The following PTPRM variants were observed in gnomAD, a reference collection of about 807,000 sequenced individuals.
PTPRM encodes receptor-type tyrosine-protein phosphatase mu.
PTPRM carries 47 observed loss-of-function variants against 186.7 expected under a neutral mutation model. The observed-to-expected ratio is 0.25, with a 90% CI of 0.20 to 0.32. The LOEUF (loss-of-function observed/expected upper bound fraction) is 0.32, where lower values mean the gene tolerates loss of function less well. PTPRM is among the 10% of genes least tolerant of loss of function. The pLI, the probability that PTPRM is intolerant of heterozygous loss-of-function variation, is 1.00. For synonymous variants in PTPRM, 668 were observed against 674.9 expected (o/e 0.99, Z 0.16); for missense variants, 1,494 against 1,865.0 (o/e 0.80, Z 3.66).
chr18:7,829,002 G>A (rs575674226), intron 2 of PTPRM, among the ~76,000 whole-genome samples: 1 of 152,216 alleles, frequency 6.6e-6, no homozygotes, highest in South Asian at 2.1e-4. Context: ...TTTACATTCA[G>A]TGCTGTTAAT....
At chr18:8,139,630 T>C (rs1452792068) in intron 13 of PTPRM, among the ~76,000 whole-genome samples, 1 of 152,148 alleles carries the variant, frequency 6.6e-6, no homozygotes. Flanking sequence ...CGCACTCCAG[T>C]CACACTCAGT....
At chr18:8,171,767 T>C (rs2093404396) in intron 14 of PTPRM, among the ~76,000 whole-genome samples, 1 of 152,080 alleles carries the variant, frequency 6.6e-6, no homozygotes. Flanking sequence ...AGGATTATGG[T>C]CCAGTCAACC....
intron 22 of PTPRM, among the ~76,000 whole-genome samples, chr18:8,324,305 T>A (rs1402148422): frequency 6.6e-6 from 1 of 152,150 alleles, no homozygotes; most frequent in Non-Finnish European, 1.5e-5. Context: ...TGAACCATGG[T>A]CAGTTTGGGT....
chr18:7,617,314 ACTC>A (rs1394865033), intron 1 of PTPRM, among the ~76,000 whole-genome samples: 1 of 151,634 alleles, frequency 6.6e-6, no homozygotes, highest in Non-Finnish European at 1.5e-5. Flanking sequence ...GAATAATTAG[ACTC>A]CTCCTCGATG....
chr18:8,327,493 T>C (rs2095384888), intron 22 of PTPRM, among the ~76,000 whole-genome samples: 1 of 152,216 alleles, frequency 6.6e-6, no homozygotes, highest in Non-Finnish European at 1.5e-5. Flanking sequence ...ACCACCTGTC[T>C]TGTAGTGAGT....
chr18:7,784,120 G>A (rs1426431634), intron 2 of PTPRM, among the ~76,000 whole-genome samples: 1 of 151,902 alleles, frequency 6.6e-6, no homozygotes, highest in Admixed American at 6.6e-5. Flanking sequence ...ATCATTACAG[G>A]GTCCCCCATA....
At chr18:7,823,732 T>C (rs2009770) in intron 2 of PTPRM, among the ~76,000 whole-genome samples, 85,159 of 152,014 alleles carry the variant, frequency 0.56, 24,743 homozygotes, top group East Asian at 0.85. Context: ...TGAACTTAAA[T>C]CAGTGATTTG....
chr18:8,389,372 C>T (rs549476647), intron 31 of PTPRM, among the ~76,000 whole-genome samples: 7 of 152,326 alleles, frequency 4.6e-5, no homozygotes, highest in South Asian at 4.1e-4. Context: ...AATCACTGCA[C>T]CTTGTCAACA....
chr18:8,390,135 A>C (rs1321222405), intron 31 of PTPRM, among the ~76,000 whole-genome samples: 1 of 152,234 alleles, frequency 6.6e-6, no homozygotes, highest in African/African-American at 2.4e-5. Context: ...TCTTCTAATT[A>C]GCAGAAGAGA....
intron 7 of PTPRM, among the ~76,000 whole-genome samples, chr18:7,960,804 A>G (rs1038179946): frequency 1.8e-4 from 27 of 152,198 alleles, no homozygotes; most frequent in East Asian, 1.2e-3. Flanking sequence ...TGTGTATACA[A>G]TACAGTGTCA....
At chr18:8,167,695 C>T (rs1277979144) in intron 14 of PTPRM, among the ~76,000 whole-genome samples, 3 of 151,648 alleles carry the variant, frequency 2.0e-5, no homozygotes, top group Non-Finnish European at 4.4e-5. Flanking sequence ...AGATGCCATG[C>T]AGCAGGAGGA....
At chr18:8,182,759 C>T (rs2093593046) in intron 14 of PTPRM, among the ~76,000 whole-genome samples, 1 of 152,188 alleles carries the variant, frequency 6.6e-6, no homozygotes, top group Non-Finnish European at 1.5e-5. Flanking sequence ...AAAACTAATA[C>T]ATGTTTATTA....
rs182876441 is a variant in PTPRM at position 8,004,526 on chromosome 18, G to A, written c.1132+49112G>A. 3.1e-3 allele frequency among the ~76,000 whole-genome samples: 468 copies of A among 152,052 alleles called. 2 individuals carry two copies. The highest frequency in any genetic ancestry group is 0.011 in the African/African-American group (453 of 41,462). On this transcript the variant is annotated intron_variant, in intron 7 of 32. Transcript: ENST00000580170. Reference sequence around the variant, plus strand: ...AACTGAGTTTGCAAAGATAGGATGGGCCCAAGTTAGTATTACTTGCAGCCC... The same window carrying A: ...AACTGAGTTTGCAAAGATAGGATGGACCCAAGTTAGTATTACTTGCAGCCC...
chr18:7,812,714 T>C (rs981620122), intron 2 of PTPRM, among the ~76,000 whole-genome samples: 3 of 151,968 alleles, frequency 2.0e-5, no homozygotes, highest in African/African-American at 7.3e-5. Context: ...AAACTGAGAC[T>C]TGGAAAGTTT....
intron 13 of PTPRM, among the ~76,000 whole-genome samples, chr18:8,130,745 A>G (rs1382441035): frequency 6.6e-6 from 1 of 152,176 alleles, no homozygotes; most frequent in Non-Finnish European, 1.5e-5. Flanking sequence ...CCTAACTGTG[A>G]TTTTAAAAGG....
chr18:8,080,878 T>C (rs1481556005), intron 9 of PTPRM, among the ~76,000 whole-genome samples: 1 of 152,190 alleles, frequency 6.6e-6, no homozygotes, highest in Admixed American at 6.6e-5. Context: ...TTGCTTAGAT[T>C]CATTCTGCCT....
chr18:7,610,239 T>C (rs960090824), intron 1 of PTPRM, among the ~76,000 whole-genome samples: 17 of 152,206 alleles, frequency 1.1e-4, no homozygotes, highest in African/African-American at 3.4e-4. Context: ...TTTTGCACAG[T>C]GGTTCTAAGT....
At chr18:8,277,527 G>T (rs776623054) in intron 19 of PTPRM, among the ~76,000 whole-genome samples, 6 of 152,200 alleles carry the variant, frequency 3.9e-5, no homozygotes, top group Non-Finnish European at 8.8e-5. Context: ...AGTGAAATAT[G>T]TGTGATCACA....
At chr18:7,758,984 AGG>A (rs1568088103) in intron 1 of PTPRM, among the ~76,000 whole-genome samples, 5 of 152,294 alleles carry the variant, frequency 3.3e-5, no homozygotes, top group South Asian at 2.1e-4. Context: ...GTCTGTGATC[AGG>A]GATGTGTTTC....
Sources: gnomAD v4.1 joint callset for allele counts (sites outside exome capture counted in the v4.1 genomes callset) on GRCh38, gnomAD v4.1.1 for gene constraint, MANE v1.5 for transcripts, NCBI Gene and HGNC (gene_info 2026-07-23, HGNC 2026-07-21) for gene names.